The following FAM210A variants were observed in gnomAD, a reference collection of about 807,000 sequenced individuals.
FAM210A encodes the protein family with sequence similarity 210 member A.
FAM210A carries 13 observed loss-of-function variants against 25.3 expected under a neutral mutation model. That is an observed-to-expected ratio of 0.51 (90% CI 0.33 to 0.82). The LOEUF (loss-of-function observed/expected upper bound fraction) is 0.82. Among genes scored for constraint, FAM210A ranks in the 40% least tolerant of loss-of-function variants. The pLI is 0.02. For missense variants in FAM210A, 319 were observed against 323.2 expected, an observed-to-expected ratio of 0.99 and a Z score of 0.10; for synonymous variants, 125 against 118.7, an observed-to-expected ratio of 1.05 and a Z score of -0.35.
intron 1 of FAM210A, among the ~76,000 whole-genome samples, chr18:13,689,047 G>A (rs937532334): frequency 6.6e-6 from 1 of 152,236 alleles, no homozygotes; most frequent in African/African-American, 2.4e-5. Flanking sequence ...CGCGAGTCCT[G>A]TGAAGGGGTC....
intron 1 of FAM210A, among the ~76,000 whole-genome samples, chr18:13,695,107 G>T (rs1319106291): frequency 7.2e-5 from 11 of 152,144 alleles, no homozygotes; most frequent in Non-Finnish European, 1.5e-4. Context: ...ACAGACACAT[G>T]AAAAAATGCT....
At chr18:13,722,052 G>A (rs2043901430) in intron 1 of FAM210A, among the ~76,000 whole-genome samples, 1 of 152,018 alleles carries the variant, frequency 6.6e-6, no homozygotes, top group South Asian at 2.1e-4. Context: ...AACTGATTGA[G>A]GGACCATGAC....
intron 1 of FAM210A, among the ~76,000 whole-genome samples, chr18:13,723,685 T>C (rs1433128977): frequency 1.3e-5 from 2 of 152,234 alleles, no homozygotes; most frequent in East Asian, 1.9e-4. Flanking sequence ...AATACCATCA[T>C]AGCATCAACC....
intron 1 of FAM210A, among the ~76,000 whole-genome samples, chr18:13,694,352 A>T (rs2043674776): frequency 6.6e-6 from 1 of 152,250 alleles, no homozygotes; most frequent in Admixed American, 6.5e-5. Context: ...TCTTCACAGA[A>T]TTGGAAAAAA....
chr18:13,682,038 G>C lies in FAM210A; in HGVS notation c.40C>G (p.Arg14Gly), dbSNP rs552796973. Reference sequence around the variant, plus strand: ...TTATGTGGTTCCAAGCATGTCCTGCGTGCCAGTCGAGATACAGTCCGTGGT... The same window carrying C: ...TTATGTGGTTCCAAGCATGTCCTGCCTGCCAGTCGAGATACAGTCCGTGGT... ...NVPRTVSRLA[R>G]RTCLEPHNAG... The change falls in exon 2 of 4, where the codon CGC becomes GGC. Residue 14 changes from arginine to glycine, a missense_variant. Transcript: ENST00000651643. 6.2e-7 allele frequency: 1 copy of C among 1,611,350 alleles called. No homozygotes were observed. Among genetic ancestry groups the C allele is most frequent in the Non-Finnish European group, 8.5e-7 (1 of 1,178,406 alleles).
intron 1 of FAM210A, chr18:13,714,991 A>G (rs563930764): frequency 1.3e-5 from 2 of 152,230 alleles, no homozygotes; most frequent in Admixed American, 6.5e-5. Flanking sequence ...GTTAGTGAAG[A>G]TATATTGGTT....
chr18:13,708,895 C>T (rs1013585916), intron 1 of FAM210A, among the ~76,000 whole-genome samples: 1 of 152,206 alleles, frequency 6.6e-6, no homozygotes, highest in African/African-American at 2.4e-5. Flanking sequence ...CTAGATTCTA[C>T]AGCACATTAC....
chr18:13,702,827 G>A (rs1226634970), intron 1 of FAM210A, among the ~76,000 whole-genome samples: 1 of 152,094 alleles, frequency 6.6e-6, no homozygotes. Flanking sequence ...TCCCCTCCAG[G>A]AACTGCGGAA....
intron 1 of FAM210A, chr18:13,710,101 A>T (rs2043809659): frequency 6.6e-6 from 1 of 152,188 alleles, no homozygotes. Context: ...GGGTACTGAA[A>T]TTGCCTTTGT....
intron 3 of FAM210A, among the ~76,000 whole-genome samples, chr18:13,669,184 A>G (rs1232753660): frequency 6.6e-6 from 1 of 152,174 alleles, no homozygotes; most frequent in Non-Finnish European, 1.5e-5. Flanking sequence ...CCTCTCAACT[A>G]AAATACTGTA....
chr18:13,720,056 A>G (rs1034382225), intron 1 of FAM210A, among the ~76,000 whole-genome samples: 1 of 152,204 alleles, frequency 6.6e-6, no homozygotes, highest in African/African-American at 2.4e-5. Context: ...TTTTCTAGTC[A>G]GGTTGCATAA....
intron 1 of FAM210A, among the ~76,000 whole-genome samples, chr18:13,685,926 T>C (rs1048480804): frequency 2.6e-5 from 4 of 151,736 alleles, no homozygotes; most frequent in Non-Finnish European, 5.9e-5. Context: ...CTTAAGAAAC[T>C]AGAAAAGAGG....
chr18:13,716,528 G>A (rs562052706), intron 1 of FAM210A, among the ~76,000 whole-genome samples: 1 of 152,230 alleles, frequency 6.6e-6, no homozygotes, highest in South Asian at 2.1e-4. Flanking sequence ...TGGATTCTGG[G>A]GGTTCCAGCA....
At chr18:13,674,762 A>ACTT (rs536828756) in intron 2 of FAM210A, among the ~76,000 whole-genome samples, 347 of 11,052 alleles carry the variant, frequency 0.031, 8 homozygotes, top group Middle Eastern at 0.062. Flanking sequence ...CTGAGCCCCG[A>ACTT]CTTTATTTCC....
intron 2 of FAM210A, among the ~76,000 whole-genome samples, chr18:13,672,823 C>A (rs897920961): frequency 9.9e-5 from 15 of 152,210 alleles, no homozygotes; most frequent in Admixed American, 2.6e-4. Context: ...ATGAAAACTT[C>A]AATTACTCTA....
At chr18:13,686,140 G>A (rs146064468) in intron 1 of FAM210A, among the ~76,000 whole-genome samples, 89 of 152,154 alleles carry the variant, frequency 5.8e-4, no homozygotes, top group African/African-American at 2.0e-3. Flanking sequence ...CTGATCCCAC[G>A]GATATTAAAA....
Position 13,666,509 on chromosome 18 carries a change from T to C in FAM210A, c.790A>G (p.Lys264Glu). The change falls in exon 4 of 4, where the codon AAA (lysine) becomes GAA (glutamate). Residue 264 changes from lysine to glutamate, a missense_variant. Lys to Glu is a moderately conservative substitution (Grantham distance 56). Coordinates refer to ENST00000651643, the MANE Select transcript of FAM210A (RefSeq NM_152352.4). ...TCCACTTTTTTCTTAAAGGAAACTT[T>C]TTCTTTGGTTTCTTGTAACTTTTCA... ...LTEKLQETKE[K>E]VSFKKKVE is the part of the protein sequence containing the mutation. The C allele has an allele frequency of 6.2e-7, 1 of 1,613,848 alleles. No homozygotes were observed. Among genetic ancestry groups the C allele is most frequent in the Non-Finnish European group, 8.5e-7 (1 of 1,179,874 alleles).
In FAM210A at chr18:13,666,627, C is replaced by T. The variant is rs576279471; in HGVS notation, c.672G>A (p.Thr224=). ...KYLRSHGYMS[T]PPPVKEYLQD... ...GCAGATACTCCTTGACGGGTGGCGG[C>T]GTGGACATGTAGCCATGACTGCGCA... is the stretch of plus-strand genomic sequence containing the variant. Residue 224 remains threonine (T), a synonymous_variant, in exon 4 of 4, where the codon ACG becomes ACA. Transcript: ENST00000651643. 7.4e-6 allele frequency: 12 copies of T among 1,614,168 alleles called. No individual in the cohort carries two copies. The highest frequency in any genetic ancestry group is 2.7e-5 in the African/African-American group (2 of 75,020).
At chr18:13,678,430 G>A (rs992582871) in intron 2 of FAM210A, among the ~76,000 whole-genome samples, 25 of 151,876 alleles carry the variant, frequency 1.6e-4, no homozygotes, top group African/African-American at 6.0e-4. Flanking sequence ...CAATTCTGTA[G>A]TGTAATGCAC....
Sources: gnomAD v4.1 joint callset for allele counts (sites outside exome capture counted in the v4.1 genomes callset) on GRCh38, gnomAD v4.1.1 for gene constraint, MANE v1.5 for transcripts, NCBI Gene and HGNC (gene_info 2026-07-23, HGNC 2026-07-21) for gene names.